The following LCORL variants were observed in gnomAD, a reference collection of about 807,000 sequenced individuals.
LCORL encodes ligand dependent nuclear receptor corepressor like, also known as ligand-dependent nuclear receptor corepressor-like protein.
LCORL carries 41 observed loss-of-function variants against 141.8 expected under a neutral mutation model. The observed-to-expected ratio is 0.29, with a 90% CI of 0.23 to 0.38. The LOEUF is 0.38. Ranked by LOEUF, LCORL falls within the 10% of genes least tolerant of loss-of-function variation. The probability of loss-of-function intolerance (pLI) is 1.00; values close to 1 mark genes in which losing one functional copy is unlikely to be tolerated. For missense variants in LCORL, 1,759 were observed against 2,035.0 expected (o/e 0.86, Z 2.61); for synonymous variants, 618 against 694.1 (o/e 0.89, Z 1.72).
exon 8 of LCORL, chr4:17,845,717 C>G (rs966820136): frequency 3.8e-6 from 6 of 1,598,090 alleles, no homozygotes. Context: ...AGAAGAACTG[C>G]AATCTATTTC....
chr4:17,972,127 T>C (rs553332068), intron 2 of LCORL, among the ~76,000 whole-genome samples: 1 of 151,914 alleles, frequency 6.6e-6, no homozygotes, highest in Middle Eastern at 3.4e-3. Context: ...GTTAGAAATA[T>C]GTTGACCTTA....
intron 5 of LCORL, among the ~76,000 whole-genome samples, chr4:17,894,939 G>C (rs1729668171): frequency 6.6e-6 from 1 of 151,728 alleles, no homozygotes; most frequent in Non-Finnish European, 1.5e-5. Flanking sequence ...TGATCAGTGT[G>C]TTCTGATGGT....
At chr4:17,920,793 GC>G (rs1264197205) in intron 4 of LCORL, among the ~76,000 whole-genome samples, 1 of 152,200 alleles carries the variant, frequency 6.6e-6, no homozygotes, top group Non-Finnish European at 1.5e-5. Flanking sequence ...TCCATAAAAA[GC>G]AACTCTTCAT....
chr4:17,842,444 A>T, exon 8 of LCORL: 4 of 1,332,490 alleles, frequency 3.0e-6, no homozygotes, highest in Non-Finnish European at 4.3e-6. Flanking sequence ...CAAGTAGAAA[A>T]AAACTAATTT....
At chr4:17,895,009 TTA>T (rs1020421979) in intron 5 of LCORL, among the ~76,000 whole-genome samples, 5 of 149,442 alleles carry the variant, frequency 3.3e-5, no homozygotes, top group African/African-American at 4.9e-5. Flanking sequence ...ATATTTATCT[TTA>T]TATATATATG....
Position 17,884,436 on chromosome 4 carries a change from G to A in LCORL, c.776+1632C>T, listed in dbSNP as rs1309387423. On this transcript the variant is annotated intron_variant, in intron 6 of 7. Coordinates refer to ENST00000635767, the Ensembl canonical transcript of LCORL. This position sits in a 1 kb window ranked among gnomAD's most constrained non-coding sequence, Gnocchi z 4.4. ...ATTTCTGAGGTTTCAAGTAGATTGAGTTTACTTTTTTCTGTGCGCTCTGCT... is the reference window on the plus strand; with the variant it reads ...ATTTCTGAGGTTTCAAGTAGATTGAATTTACTTTTTTCTGTGCGCTCTGCT... 1.3e-6 allele frequency: 2 copies of A among 1,549,992 alleles called. No homozygotes were observed. The highest frequency in any genetic ancestry group is 1.4e-5 in the African/African-American group (1 of 72,850).
chr4:18,013,990 T>G (rs1246522317), intron 1 of LCORL, among the ~76,000 whole-genome samples: 1 of 152,090 alleles, frequency 6.6e-6, no homozygotes, highest in Non-Finnish European at 1.5e-5. Context: ...GTATTTTTAT[T>G]AGAGATGGGG....
At chr4:17,875,615 T>G in exon 7 of LCORL, 1 of 1,231,232 alleles carries the variant, frequency 8.1e-7, no homozygotes, top group Non-Finnish European at 1.0e-6. Flanking sequence ...ATATGAGACA[T>G]TCTGGGCTTT....
chr4:17,911,767 G>A (rs1027721499), intron 4 of LCORL: 7 of 458,742 alleles, frequency 1.5e-5, no homozygotes, highest in African/African-American at 4.1e-5. Context: ...GGTCAGCAGC[G>A]TGGCTGGCGT....
chr4:17,986,762 C>T (rs1418104027), intron 1 of LCORL, among the ~76,000 whole-genome samples: 2 of 151,912 alleles, frequency 1.3e-5, no homozygotes, highest in African/African-American at 4.8e-5. Context: ...TTCTGAATTC[C>T]ATTATTGCTA....
chr4:18,016,209 T>C (rs1029680281), intron 1 of LCORL, among the ~76,000 whole-genome samples: 2 of 152,132 alleles, frequency 1.3e-5, no homozygotes, highest in African/African-American at 4.8e-5. Context: ...ATGCTTTCTA[T>C]ATGAAAGACA....
intron 1 of LCORL, among the ~76,000 whole-genome samples, chr4:17,976,984 T>C (rs572195820): frequency 3.9e-5 from 6 of 152,312 alleles, no homozygotes; most frequent in East Asian, 3.9e-4. Flanking sequence ...ATTTTGATTA[T>C]TGAGCTCACT....
In LCORL at chr4:17,954,620, T is replaced by C. The variant is rs1030881687; in HGVS notation, c.430+7283A>G. On this transcript the variant is annotated intron_variant, in intron 4 of 7. Transcript: ENST00000635767. ...GGAGAAGTAGAAACAAAAGGACTAG[T>C]TAGAAGGCTCCTTAGTAGTATAACC... Among the ~76,000 whole-genome samples the C allele has an allele frequency of 5.3e-5, 8 of 152,270 alleles. 1 individual carries two copies. Among genetic ancestry groups the C allele is most frequent in the Admixed American group, 4.6e-4 (7 of 15,294 alleles).
At chr4:17,891,546 CTTGT>C (rs1729079428) in intron 5 of LCORL, among the ~76,000 whole-genome samples, 3 of 152,196 alleles carry the variant, frequency 2.0e-5, no homozygotes, top group East Asian at 1.9e-4. Context: ...GGTCCCTTCA[CTTGT>C]TTGAGAATTA....
chr4:17,989,840 G>A (rs1044130783), intron 1 of LCORL, among the ~76,000 whole-genome samples: 1 of 152,164 alleles, frequency 6.6e-6, no homozygotes, highest in Non-Finnish European at 1.5e-5. Flanking sequence ...GGTTGACCAA[G>A]CTGAGTTCTC....
intron 1 of LCORL, among the ~76,000 whole-genome samples, chr4:18,019,108 T>C (rs1010783076): frequency 7.2e-5 from 11 of 152,212 alleles, no homozygotes; most frequent in African/African-American, 2.4e-4. Flanking sequence ...ATGGATGTTA[T>C]TGTTTATTTT....
intron 5 of LCORL, among the ~76,000 whole-genome samples, chr4:17,895,055 T>C (rs1729701430): frequency 6.6e-6 from 1 of 150,530 alleles, no homozygotes; most frequent in South Asian, 2.1e-4. Flanking sequence ...AAAAGTTTTA[T>C]TGGTTTGAAT....
exon 7 of LCORL, chr4:17,873,932 C>A (rs1409509738): frequency 1.6e-6 from 2 of 1,233,870 alleles, no homozygotes; most frequent in Non-Finnish European, 2.0e-6. Context: ...TAAATTTATT[C>A]TCAAAACTAG....
exon 2 of LCORL, chr4:17,972,848 C>A: frequency 7.0e-7 from 1 of 1,437,992 alleles, no homozygotes; most frequent in Non-Finnish European, 9.1e-7. Flanking sequence ...CTCTTCGTAG[C>A]CGTGGTCCAT....
Sources: gnomAD v4.1 joint callset for allele counts (sites outside exome capture counted in the v4.1 genomes callset) on GRCh38, gnomAD v4.1.1 for gene constraint, Gnocchi (gnomAD v3.1) non-coding constraint, MANE v1.5 for transcripts, NCBI Gene and HGNC (gene_info 2026-07-23, HGNC 2026-07-21) for gene names.